The following SCLT1 variants were observed in gnomAD, a reference collection of about 807,000 sequenced individuals.
SCLT1 encodes the protein sodium channel-associated protein 1.
A neutral mutation model predicts 112.8 loss-of-function variants in SCLT1; 78 were observed. The ratio of observed to expected loss-of-function variants is 0.69; its 90% CI spans 0.58 to 0.83. SCLT1 has a LOEUF of 0.83. Ranked by LOEUF, SCLT1 falls within the 40% of genes least tolerant of loss-of-function variation. SCLT1 has a pLI of 0.00. For missense variants in SCLT1, 747 were observed against 770.4 expected, an observed-to-expected ratio of 0.97 and a Z score of 0.36; for synonymous variants, 257 against 254.7, an observed-to-expected ratio of 1.01 and a Z score of -0.09.
chr4:128,912,414 AAAT>A (rs1735172045), intron 18 of SCLT1, among the ~76,000 whole-genome samples: 2 of 152,202 alleles, frequency 1.3e-5, no homozygotes, highest in African/African-American at 2.4e-5. Context: ...TTAAAATTAA[AAAT>A]AAATTTTTTA....
In SCLT1 at chr4:129,039,926, AC is replaced by A. The variant is rs1453423671; in HGVS notation, c.235-831del. The A allele has an allele frequency of 3.2e-4, 151 of 467,320 alleles. 1 individual carries two copies. In the East Asian group the frequency reaches 4.0e-3, roughly 12 times the overall value. The allele number at this position is 467,320 out of a possible 1,614,324, so 28.9% of individuals were successfully genotyped here. ...CACACACACACACACACACACACAC[AC>A]ACACAAAACCCTGAATTTACATGTA... is the stretch of plus-strand genomic sequence containing the variant. On this transcript the variant is annotated intron_variant, in intron 4 of 20. Coordinates refer to ENST00000281142, the MANE Select transcript of SCLT1 (RefSeq NM_144643.4).
intron 1 of SCLT1, among the ~76,000 whole-genome samples, chr4:129,089,971 A>T (rs1235793005): frequency 6.6e-6 from 1 of 152,094 alleles, no homozygotes; most frequent in Non-Finnish European, 1.5e-5. Flanking sequence ...ATGTAACAAA[A>T]CTGCACGTTC....
chr4:129,055,513 C>A (rs1268792246), intron 2 of SCLT1, among the ~76,000 whole-genome samples: 1 of 152,194 alleles, frequency 6.6e-6, no homozygotes, highest in African/African-American at 2.4e-5. Flanking sequence ...CTGGCCACAG[C>A]CTCTTTGCTG....
At chr4:129,015,767 G>A (rs761446972) in intron 5 of SCLT1, among the ~76,000 whole-genome samples, 2 of 152,056 alleles carry the variant, frequency 1.3e-5, no homozygotes, top group African/African-American at 4.8e-5. Context: ...CCATTCCCCC[G>A]GAGCCACCAG....
At position 128,972,803 on chromosome 4, in the gene SCLT1, T is replaced by C. The variant is rs572425678; in HGVS notation, c.687-2335A>G. On this transcript the variant is annotated intron_variant, in intron 9 of 20. Transcript: ENST00000281142. ...TGATGGTCTCCTCTTTTGTTCATTCTTTATAATGTATCTTATCTGTTAAAA... is the reference window on the plus strand; with the variant it reads ...TGATGGTCTCCTCTTTTGTTCATTCCTTATAATGTATCTTATCTGTTAAAA... Among the ~76,000 whole-genome samples the C allele has an allele frequency of 2.3e-3, 349 of 152,236 alleles. 1 individual carries two copies. The highest frequency in any genetic ancestry group is 3.9e-3 in the Non-Finnish European group (265 of 68,044).
At chr4:128,892,209 A>G (rs945953675) in intron 18 of SCLT1, among the ~76,000 whole-genome samples, 1 of 152,220 alleles carries the variant, frequency 6.6e-6, no homozygotes, top group East Asian at 1.9e-4. Flanking sequence ...TGTCACTTCA[A>G]GAGTTTCAGG....
intron 17 of SCLT1, among the ~76,000 whole-genome samples, chr4:128,941,654 A>T (rs1314258551): frequency 6.6e-6 from 1 of 152,038 alleles, no homozygotes; most frequent in Non-Finnish European, 1.5e-5. Context: ...GTGACTAAAA[A>T]TATCTTAATT....
intron 13 of SCLT1, 39 bp from the exon 14 acceptor site, chr4:128,952,879 A>G: frequency 1.0e-6 from 1 of 989,324 alleles, no homozygotes; most frequent in Non-Finnish European, 1.6e-6. Flanking sequence ...TGGTTCTAGA[A>G]TAAAAATGAT....
At chr4:129,089,766 G>A (rs1752675924) in intron 1 of SCLT1, among the ~76,000 whole-genome samples, 1 of 152,098 alleles carries the variant, frequency 6.6e-6, no homozygotes, top group Non-Finnish European at 1.5e-5. Context: ...CACAAGAACA[G>A]AACACCAAAC....
chr4:128,973,345 T>C lies in SCLT1; in HGVS notation c.687-2877A>G, dbSNP rs1346753102. 2.0e-5 allele frequency among the ~76,000 whole-genome samples: 3 copies of C among 151,700 alleles called. No homozygotes were observed. The South Asian group carries it at 6.2e-4, about 32-fold the overall frequency. On this transcript the variant is annotated intron_variant, in intron 9 of 20. Transcript: ENST00000281142. Reference sequence around the variant, plus strand: ...ATCACATCTTATTAATTTTTAAACCTTCAGGAGATAGCATAGTACCTGGGG... The same window carrying C: ...ATCACATCTTATTAATTTTTAAACCCTCAGGAGATAGCATAGTACCTGGGG...
At chr4:129,066,854 T>C (rs551819176) in intron 2 of SCLT1, among the ~76,000 whole-genome samples, 1 of 152,204 alleles carries the variant, frequency 6.6e-6, no homozygotes, top group South Asian at 2.1e-4. Context: ...TCATATAAAG[T>C]ATTAAAGCAT....
intron 13 of SCLT1, among the ~76,000 whole-genome samples, chr4:128,956,065 T>A (rs959372324): frequency 1.3e-5 from 2 of 152,194 alleles, no homozygotes; most frequent in African/African-American, 4.8e-5. Flanking sequence ...CATATTTGAA[T>A]AGGGAAATAA....
downstream of SCLT1, among the ~76,000 whole-genome samples, chr4:128,881,105 C>T (rs1732630629): frequency 6.6e-6 from 1 of 151,828 alleles, no homozygotes; most frequent in African/African-American, 2.4e-5. Context: ...TAACATTGTC[C>T]CCAAAGCCAT....
chr4:128,948,259 C>A (rs1738358584), intron 15 of SCLT1, among the ~76,000 whole-genome samples: 1 of 149,594 alleles, frequency 6.7e-6, no homozygotes, highest in African/African-American at 2.5e-5. Context: ...TTGCCTGAAC[C>A]CGGGAGGTGG....
At chr4:129,078,290 ATGCTATCTGTTAAAAACATC>A in intron 2 of SCLT1, among the ~76,000 whole-genome samples, 1 of 152,220 alleles carries the variant, frequency 6.6e-6, no homozygotes, top group Non-Finnish European at 1.5e-5. Flanking sequence ...AGTCACCATT[ATGCTATCTGTTAAAAACATC>A]TTTCATAATC....
At chr4:129,020,625 G>A (rs1745383138) in intron 5 of SCLT1, among the ~76,000 whole-genome samples, 1 of 152,160 alleles carries the variant, frequency 6.6e-6, no homozygotes, top group African/African-American at 2.4e-5. Context: ...AGACTATAAG[G>A]CCATATGAAC....
intron 1 of SCLT1, among the ~76,000 whole-genome samples, chr4:129,082,649 C>A (rs1337703976): frequency 6.6e-6 from 1 of 152,182 alleles, no homozygotes; most frequent in Non-Finnish European, 1.5e-5. Flanking sequence ...TCAGTCTCTG[C>A]TGGCTTGCTC....
downstream of SCLT1, among the ~76,000 whole-genome samples, chr4:128,882,396 T>C (rs921261659): frequency 6.6e-6 from 1 of 152,248 alleles, no homozygotes; most frequent in South Asian, 2.1e-4. Flanking sequence ...TCATCGCATT[T>C]GATACTATCA....
chr4:128,935,535 T>G (rs1737114231), intron 18 of SCLT1, among the ~76,000 whole-genome samples: 1 of 152,092 alleles, frequency 6.6e-6, no homozygotes, highest in Non-Finnish European at 1.5e-5. Flanking sequence ...TTGGCCTCAG[T>G]TTGGCTATCT....
Sources: allele counts gnomAD v4.1 joint callset (sites outside exome capture counted in the v4.1 genomes callset), GRCh38; gene constraint gnomAD v4.1.1; transcripts MANE v1.5; gene names NCBI Gene and HGNC (gene_info 2026-07-23, HGNC 2026-07-21).